Variants in ACIN1 observed in about 807,000 individuals in gnomAD.
ACIN1 encodes the protein apoptotic chromatin condensation inducer in the nucleus.
A neutral mutation model predicts 146.6 loss-of-function variants in ACIN1; 16 were observed. The ratio of observed to expected loss-of-function variants is 0.11; its 90% CI spans 0.07 to 0.17. The LOEUF is 0.17. Ranked by LOEUF, ACIN1 falls within the 10% of genes least tolerant of loss-of-function variation. ACIN1 has a pLI of 1.00. For missense variants in ACIN1, 1,357 were observed against 1,609.3 expected (o/e 0.84, Z 2.68); for synonymous variants, 569 against 582.7 (o/e 0.98, Z 0.34).
At chr14:23,062,030 T>C in intron 16 of ACIN1, 138 bp downstream of exon 16, 3 of 676,768 alleles carry the variant, frequency 4.4e-6, no homozygotes, top group Admixed American at 3.0e-5. Context: ...CATGGTACAA[T>C]TAAAGGAACC....
intron 4 of ACIN1, among the ~76,000 whole-genome samples, chr14:23,082,502 T>C (rs1005822815): frequency 2.1e-5 from 3 of 145,580 alleles, no homozygotes; most frequent in Non-Finnish European, 4.5e-5. Context: ...CTGGATGCAG[T>C]GGTGCAATCT....
At position 23,068,739 on chromosome 14, in the gene ACIN1, C is replaced by T. The variant is rs1157030340; in HGVS notation, c.2265+737G>A. ...AATATTCTGCACATCAAATCACTTTCACCGGCCCCCACCCCCGCAACACAC... is the reference window on the plus strand; with the variant it reads ...AATATTCTGCACATCAAATCACTTTTACCGGCCCCCACCCCCGCAACACAC... On this transcript the variant is annotated intron_variant, in intron 9 of 18. Coordinates refer to ENST00000605057, the MANE Select transcript of ACIN1 (RefSeq NM_001386863.1). This position sits in a 1 kb window ranked among gnomAD's most constrained non-coding sequence, Gnocchi z 4.3. 2.0e-5 allele frequency: 20 copies of T among 985,422 alleles called. No homozygotes were observed. Among genetic ancestry groups the T allele is most frequent in the Non-Finnish European group, 1.2e-6 (1 of 829,994 alleles). 61.0% of individuals were successfully genotyped at this position (985,422 alleles called of 1,614,324 possible).
At chr14:23,063,985 A>C in intron 12 of ACIN1, 120 bp downstream of exon 12, 1 of 1,389,888 alleles carries the variant, frequency 7.2e-7, no homozygotes, top group Non-Finnish European at 9.8e-7. Context: ...GTGTCAGTCA[A>C]CCCAACCCTC....
In ACIN1 at chr14:23,079,659, G is replaced by A. The variant is rs1162694155; in HGVS notation, c.1676C>T (p.Ala559Val). The stretch of plus-strand genomic sequence containing the variant: ...ACCACGAGGGTTGGCATGAGTACGT[G>A]CCTGGGCTACATCTCTCTGCTTGGA... ...LRSKQRDVAQ[A>V]RTHANPRGRP... The change falls in exon 6 of 19, where the codon GCA (alanine) becomes GTA (valine). Residue 559 changes from alanine (A) to valine (V), a missense_variant. By Grantham distance (64) the Ala-to-Val change is moderately conservative (BLOSUM62 0). Around this residue, in one of 4 missense-constraint regions of ACIN1, gnomAD observed 771 missense variants for 746.6 expected, o/e 1.03. Coordinates refer to ENST00000605057, the MANE Select transcript of ACIN1 (RefSeq NM_001386863.1). 1 of 1,614,044 alleles carries A rather than the reference G, an allele frequency of 6.2e-7. No homozygotes were observed. Among genetic ancestry groups the A allele is most frequent in the African/African-American group, 1.3e-5 (1 of 74,906 alleles).
chr14:23,094,636 T>G, intron 1 of ACIN1: 1 of 842,304 alleles, frequency 1.2e-6, no homozygotes, highest in South Asian at 3.1e-5. Context: ...AGCAACGCCG[T>G]AGGTTGTAGT....
In ACIN1 at chr14:23,067,336, T is replaced by C. The variant is rs1367040452; in HGVS notation, c.2266-1328A>G. ...CACCTGGGATCTTCAGTTCAGCCAA[T>C]CGCACCTCACTGTGTACTGTATCTA... On this transcript the variant is annotated intron_variant, in intron 9 of 18. Transcript: ENST00000605057. This position sits in a 1 kb window ranked among gnomAD's most constrained non-coding sequence, Gnocchi z 4.6. The C allele has an allele frequency of 1.0e-6, 1 of 985,570 alleles. No individual in the cohort carries two copies. Among genetic ancestry groups the C allele is most frequent in the Non-Finnish European group, 1.2e-6 (1 of 829,916 alleles). 61.1% of individuals were successfully genotyped at this position (985,570 alleles called of 1,614,324 possible).
upstream of ACIN1, chr14:23,095,144 G>A (rs114575216): frequency 5.8e-4 from 930 of 1,614,198 alleles, no homozygotes; most frequent in Non-Finnish European, 7.2e-4. Flanking sequence ...CGTCCCGACG[G>A]CTTCGGGCAT....
In ACIN1 at chr14:23,063,568, C is replaced by T; in HGVS notation, c.2605G>A (p.Ala869Thr). 6.2e-7 allele frequency: 1 copy of T among 1,614,136 alleles called. No homozygotes were observed. Among genetic ancestry groups the T allele is most frequent in the Non-Finnish European group, 8.5e-7 (1 of 1,180,008 alleles). ...CTCTGCCCATTCTCCTGGCCCTCTG[C>T]AGGTACTACCTATCAAGGTGTCAGA... ...ICRTVTQVVP[A>T]EGQENGQREE... The change falls in exon 13 of 19, where the codon GCA becomes ACA. Residue 869 changes from alanine (A) to threonine (T), a missense_variant. Around this residue, in one of 4 missense-constraint regions of ACIN1, gnomAD observed 509 missense variants for 719.6 expected, o/e 0.71. Transcript: ENST00000605057.
chr14:23,071,279 A>G, intron 8 of ACIN1: 1 of 1,498,462 alleles, frequency 6.7e-7, no homozygotes, highest in Non-Finnish European at 8.9e-7. Context: ...AGATCCCACC[A>G]CCTCCTCCCC....
chr14:23,090,631 A>T lies in ACIN1; in HGVS notation c.207T>A (p.Ile69=). The T allele has an allele frequency of 6.2e-7, 1 of 1,613,070 alleles. No individual in the cohort carries two copies. The highest frequency in any genetic ancestry group is 8.5e-7 in the Non-Finnish European group (1 of 1,179,446). ...AACTGTTCTGGCTCATTTCCTCACC[A>T]ATCTGTGTAGAGGAAATGAAAACAG... ...PHAAFQPNSQ[I]GEEMSQNSFI... is the part of the protein sequence containing the mutation. Residue 69 remains isoleucine (I), a splice_region_variant and synonymous_variant, in exon 3 of 19, where the codon ATT becomes ATA. Transcript: ENST00000605057.
At chr14:23,074,880 T>C (rs536747060) in intron 8 of ACIN1, among the ~76,000 whole-genome samples, 27 of 152,332 alleles carry the variant, frequency 1.8e-4, no homozygotes, top group South Asian at 4.1e-4. Flanking sequence ...ATTTTAGTTA[T>C]TATAGAAAAT....
intron 2 of ACIN1, among the ~76,000 whole-genome samples, chr14:23,092,782 T>A (rs1357086061): frequency 6.6e-6 from 1 of 152,182 alleles, no homozygotes; most frequent in Non-Finnish European, 1.5e-5. Flanking sequence ...AAAAAGTAGA[T>A]CTAATCTAGT....
chr14:23,094,931 C>G (rs1417476837), intron 1 of ACIN1, 44 bp downstream of exon 1: 3 of 1,539,944 alleles, frequency 1.9e-6, no homozygotes, highest in African/African-American at 1.4e-5. Context: ...TCGTCTCTAC[C>G]GGGTCCGCTC....
chr14:23,061,620 C>T lies in ACIN1; in HGVS notation c.3102G>A (p.Leu1034=), dbSNP rs1303824165. 6.5e-7 allele frequency: 1 copy of T among 1,529,200 alleles called. No homozygotes were observed. Among genetic ancestry groups the T allele is most frequent in the East Asian group, 2.4e-5 (1 of 40,832 alleles). The allele number at this position is 1,529,200 out of a possible 1,614,324, so 94.7% of individuals were successfully genotyped here. A position where few individuals can be genotyped will look rare whatever the true frequency, so the allele number is the denominator to read the frequency against. ...LCADYAEQDE[L]DYHRGLLVDR... ...CCACCAAGAGGCCTCGGTGATAATC[C>T]AGCTGTGGGGAGAGGAGGGACAAGG... is the stretch of plus-strand genomic sequence containing the variant. The change falls in exon 17 of 19, where the codon CTG becomes CTA. Residue 1034 remains leucine, a splice_region_variant and synonymous_variant. Coordinates refer to ENST00000605057, the MANE Select transcript of ACIN1 (RefSeq NM_001386863.1).
Position 23,072,454 on chromosome 14 carries a change from G to A in ACIN1, c.2124-2837C>T, listed in dbSNP as rs117549752. ...AAGTGAGAGTGCTGCTATATGGGGCGGGGAAGATCAGCTGGGCAGAAAGCG... is the reference window on the plus strand; with the variant it reads ...AAGTGAGAGTGCTGCTATATGGGGCAGGGAAGATCAGCTGGGCAGAAAGCG... On this transcript the variant is annotated intron_variant, in intron 8 of 18. Coordinates refer to ENST00000605057, the MANE Select transcript of ACIN1 (RefSeq NM_001386863.1). 4.9e-3 allele frequency among the ~76,000 whole-genome samples: 742 copies of A among 152,230 alleles called. 8 individuals carry two copies. The highest frequency in any genetic ancestry group is 6.0e-3 in the Non-Finnish European group (405 of 67,996).
intron 8 of ACIN1, among the ~76,000 whole-genome samples, chr14:23,070,902 TTACATC>T (rs2047623394): frequency 6.6e-6 from 1 of 152,048 alleles, no homozygotes; most frequent in Non-Finnish European, 1.5e-5. Context: ...ATTTAGCTGC[TTACATC>T]TAGAGAAAAG....
chr14:23,090,331 A>C (rs978908015), intron 3 of ACIN1, among the ~76,000 whole-genome samples, 191 bp downstream of exon 3: 4 of 152,236 alleles, frequency 2.6e-5, no homozygotes, highest in Admixed American at 1.3e-4. Context: ...CTAACAAGAC[A>C]GTCAAATTAA....
chr14:23,082,875 G>A (rs971418371), intron 4 of ACIN1, among the ~76,000 whole-genome samples: 15 of 151,734 alleles, frequency 9.9e-5, no homozygotes, highest in African/African-American at 3.4e-4. Context: ...GGGCAGCTGG[G>A]ACTGCAGGCG....
Position 23,080,197 on chromosome 14 carries a change from TTTC to T in ACIN1, c.1135_1137del (p.Glu379del). On this transcript the variant is annotated inframe_deletion, in exon 6 of 19. Coordinates refer to ENST00000605057, the MANE Select transcript of ACIN1 (RefSeq NM_001386863.1). ...GGGGCTGGGCCTTCCATGGGCTCTA[TTTC>T]TTCTTCGCTATGGAGCTGTGGATGA... The T allele has an allele frequency of 6.2e-7, 1 of 1,614,178 alleles. No individual in the cohort carries two copies. Among genetic ancestry groups the T allele is most frequent in the Non-Finnish European group, 8.5e-7 (1 of 1,180,024 alleles).
Sources: allele counts gnomAD v4.1 joint callset (sites outside exome capture counted in the v4.1 genomes callset), GRCh38; gene constraint gnomAD v4.1.1; regional missense constraint gnomAD v4.1.1; non-coding constraint Gnocchi (gnomAD v3.1); transcripts MANE v1.5; gene names NCBI Gene and HGNC (gene_info 2026-07-23, HGNC 2026-07-21).